Variants in IQSEC3 observed in about 807,000 individuals in gnomAD.
IQSEC3 encodes the protein IQ motif and SEC7 domain-containing protein 3.
In IQSEC3, 50 loss-of-function variants were observed where a neutral mutation model predicts 105.4. The observed-to-expected ratio is 0.47, with a 90% CI of 0.38 to 0.60. The LOEUF (loss-of-function observed/expected upper bound fraction) is 0.60, where lower values mean the gene tolerates loss of function less well. Ranked by LOEUF, IQSEC3 falls within the 20% of genes least tolerant of loss-of-function variation. The pLI, the probability that IQSEC3 is intolerant of heterozygous loss-of-function variation, is 0.00. For missense variants in IQSEC3, 1,415 were observed against 1,630.0 expected (o/e 0.87, Z 2.27); for synonymous variants, 708 against 746.0 (o/e 0.95, Z 0.83).
intron 12 of IQSEC3, among the ~76,000 whole-genome samples, chr12:170,855 T>G (rs1555100019): frequency 6.6e-6 from 1 of 152,212 alleles, no homozygotes; most frequent in African/African-American, 2.4e-5. Flanking sequence ...GCTTTGACTG[T>G]GGGTAAATCA....
At chr12:119,987 T>C (rs1555081558) in intron 2 of IQSEC3, among the ~76,000 whole-genome samples, 1 of 152,160 alleles carries the variant, frequency 6.6e-6, no homozygotes, top group Non-Finnish European at 1.5e-5. Flanking sequence ...GGAAAAGTAG[T>C]GGAGAATAAA....
At chr12:167,100 G>C (rs375550148) in intron 11 of IQSEC3, 1 of 152,262 alleles carries the variant, frequency 6.6e-6, no homozygotes, top group East Asian at 1.9e-4. Context: ...GGAGGGGCGC[G>C]TGGAAACTCC....
intron 5 of IQSEC3, among the ~76,000 whole-genome samples, chr12:153,490 G>A (rs1210487244): frequency 6.6e-6 from 1 of 152,152 alleles, no homozygotes; most frequent in African/African-American, 2.4e-5. Flanking sequence ...CCTTCCTCAG[G>A]CAGGAGGGTA....
chr12:154,335 C>T (rs1373195428), intron 5 of IQSEC3, among the ~76,000 whole-genome samples: 1 of 152,204 alleles, frequency 6.6e-6, no homozygotes, highest in Non-Finnish European at 1.5e-5. Flanking sequence ...CGGCAGCCTG[C>T]CCCCACAGTG....
In IQSEC3 at chr12:127,604, A is replaced by C. The variant is rs116440480; in HGVS notation, c.903+1692A>C. ...AAAAAAGTCGGATGAAATGTGGAAA[A>C]ATCTAAAATTCTGCTCCCAGCTTCG... On this transcript the variant is annotated intron_variant, in intron 3 of 13. Transcript: ENST00000538872. Among the ~76,000 whole-genome samples the C allele has an allele frequency of 2.2e-3, 328 of 152,260 alleles. 3 individuals carry two copies. Among genetic ancestry groups the C allele is most frequent in the African/African-American group, 7.7e-3 (319 of 41,544 alleles).
intron 2 of IQSEC3, among the ~76,000 whole-genome samples, chr12:107,076 G>A (rs1864678905): frequency 6.6e-6 from 1 of 152,182 alleles, no homozygotes. Context: ...AGGAAGGACA[G>A]CTGCCTATGA....
chr12:171,387 T>C, intron 13 of IQSEC3: 3 of 1,480,914 alleles, frequency 2.0e-6, no homozygotes, highest in Non-Finnish European at 2.8e-6. Context: ...TTCCCCAGCC[T>C]GCTGCCCTCC....
chr12:128,500 G>A (rs1206940420), intron 3 of IQSEC3, among the ~76,000 whole-genome samples: 1 of 152,122 alleles, frequency 6.6e-6, no homozygotes, highest in Non-Finnish European at 1.5e-5. Flanking sequence ...TGAATCCCGT[G>A]TTCCATGGCC....
At chr12:168,013 C>G (rs1938764935) in intron 11 of IQSEC3, among the ~76,000 whole-genome samples, 1 of 152,204 alleles carries the variant, frequency 6.6e-6, no homozygotes, top group Non-Finnish European at 1.5e-5. Flanking sequence ...GTGATTTAGG[C>G]AACCAGGACA....
At chr12:69,548 A>C (rs1369918707) in intron 1 of IQSEC3, among the ~76,000 whole-genome samples, 1 of 152,272 alleles carries the variant, frequency 6.6e-6, no homozygotes, top group African/African-American at 2.4e-5. Flanking sequence ...TGCCCCAGGC[A>C]CTTAACAGTA....
At chr12:117,298 T>C (rs1865078941) in intron 2 of IQSEC3, among the ~76,000 whole-genome samples, 1 of 152,202 alleles carries the variant, frequency 6.6e-6, no homozygotes, top group South Asian at 2.1e-4. Context: ...GTGTGTCATG[T>C]GTTGGGAAGC....
intron 13 of IQSEC3, 72 bp from the exon 14 acceptor site, chr12:174,527 A>G: frequency 7.3e-7 from 1 of 1,370,182 alleles, no homozygotes; most frequent in African/African-American, 1.5e-5. Context: ...GGGGAGGCAC[A>G]GGGCAGCCTG....
Position 176,285 on chromosome 12 carries a change from C to T in IQSEC3, c.*1252C>T, listed in dbSNP as rs574162247. On this transcript the variant is annotated 3_prime_UTR_variant, in exon 14 of 14. Coordinates refer to ENST00000538872, the MANE Select transcript of IQSEC3 (RefSeq NM_001170738.2). The surrounding 1 kb of genome is among the most constrained non-coding windows in gnomAD (Gnocchi z 4.0). ...CCTTAGGTGGCCCCACGAGCCCAAG[C>T]CTGGGGAAGGGCCCCTCCCCAGCCA... The T allele has an allele frequency of 1.7e-3, 259 of 152,452 alleles. 1 individual carries two copies. The highest frequency in any genetic ancestry group is 2.0e-3 in the Non-Finnish European group (139 of 68,136). 9.4% of individuals were successfully genotyped at this position (152,452 alleles called of 1,614,324 possible).
chr12:85,666 T>C (rs929077589), intron 1 of IQSEC3, among the ~76,000 whole-genome samples: 4 of 152,202 alleles, frequency 2.6e-5, no homozygotes, highest in Admixed American at 2.6e-4. Flanking sequence ...CCTCCTGGCA[T>C]GCTCAAGTTA....
At chr12:160,151 T>C (rs948078973) in intron 7 of IQSEC3, among the ~76,000 whole-genome samples, 1 of 150,024 alleles carries the variant, frequency 6.7e-6, no homozygotes, top group Non-Finnish European at 1.5e-5. Flanking sequence ...TGTTTGCCTC[T>C]ATTTCTTCTG....
chr12:132,396 G>T (rs1461886691), intron 3 of IQSEC3, among the ~76,000 whole-genome samples: 2 of 152,172 alleles, frequency 1.3e-5, no homozygotes, highest in Non-Finnish European at 2.9e-5. Context: ...TCTGTTTGGG[G>T]CAATGGTTCT....
chr12:139,396 T>C (rs1555088435), intron 4 of IQSEC3, 42 bp downstream of exon 4: 1 of 1,464,372 alleles, frequency 6.8e-7, no homozygotes, highest in South Asian at 1.3e-5. Flanking sequence ...CTGGGCGTCC[T>C]GGGAGGGAGG....
rs1262615543 is a variant in IQSEC3 at position 143,052 on chromosome 12, T to C, written c.2153+1767T>C. 2.0e-5 allele frequency among the ~76,000 whole-genome samples: 3 copies of C among 152,222 alleles called. No individual in the cohort carries two copies. The East Asian group carries it at 5.8e-4, about 29-fold the overall frequency. On this transcript the variant is annotated intron_variant, in intron 5 of 13. Coordinates refer to ENST00000538872, the MANE Select transcript of IQSEC3 (RefSeq NM_001170738.2). ...TAAATTCTAACCTGCAAGGCCCACA[T>C]TGATCTGGAGTGCTGGGAACACAGC...
intron 2 of IQSEC3, among the ~76,000 whole-genome samples, chr12:101,459 C>A (rs782033152): frequency 6.6e-6 from 1 of 152,106 alleles, no homozygotes; most frequent in South Asian, 2.1e-4. Context: ...CTGGGAGGTG[C>A]GGGCTTTGAG....
Sources: allele counts gnomAD v4.1 joint callset (sites outside exome capture counted in the v4.1 genomes callset), GRCh38; gene constraint gnomAD v4.1.1; non-coding constraint Gnocchi (gnomAD v3.1); transcripts MANE v1.5; gene names NCBI Gene and HGNC (gene_info 2026-07-23, HGNC 2026-07-21).